The following ADGRG1 variants were observed in gnomAD, a reference collection of about 807,000 sequenced individuals.
ADGRG1 encodes 7-transmembrane protein with no EGF-like N-terminal domains-1.
A neutral mutation model predicts 73.5 loss-of-function variants in ADGRG1; 53 were observed. The observed-to-expected ratio is 0.72, with a 90% CI of 0.58 to 0.91. The LOEUF is 0.91. ADGRG1 is among the 40% of genes least tolerant of loss of function. The pLI is 0.00. For synonymous variants in ADGRG1, 394 were observed against 374.4 expected, an observed-to-expected ratio of 1.05 and a Z score of -0.60; for missense variants, 795 against 871.8, an observed-to-expected ratio of 0.91 and a Z score of 1.11.
At position 57,656,251 on chromosome 16, in the gene ADGRG1, T is replaced by A. The variant is rs1266637859; in HGVS notation, c.1043T>A (p.Phe348Tyr). ...QPKNVTLQCV[F>Y]WVEDPTLSSP... ...AAGAATGTGACTCTGCAATGTGTGT[T>A]CTGGGTTGAAGACCCCACATGTGAG... The change falls in exon 8 of 14, where the codon TTC becomes TAC. Residue 348 changes from phenylalanine (F) to tyrosine (Y), a missense_variant. By Grantham distance (22) the Phe-to-Tyr change is conservative. Coordinates refer to ENST00000562631, the MANE Select transcript of ADGRG1 (RefSeq NM_201525.4). 1 of 1,608,854 alleles carries A rather than the reference T, an allele frequency of 6.2e-7. No homozygotes were observed. Among genetic ancestry groups the A allele is most frequent in the African/African-American group, 1.3e-5 (1 of 74,384 alleles).
At chr16:57,647,416 T>C in intron 1 of ADGRG1, 2 of 985,174 alleles carry the variant, frequency 2.0e-6, no homozygotes, top group South Asian at 9.4e-5. Flanking sequence ...GGGGCTGAGT[T>C]AGGGGCAGGC....
At chr16:57,635,100 G>A (rs901741191) in intron 1 of ADGRG1, 1 of 985,154 alleles carries the variant, frequency 1.0e-6, no homozygotes, top group Admixed American at 6.2e-5. Flanking sequence ...AGGAGGGCAG[G>A]ACACCCACCT....
chr16:57,626,809 T>C, upstream of ADGRG1: 1 of 982,604 alleles, frequency 1.0e-6, no homozygotes, highest in Non-Finnish European at 1.2e-6. Context: ...GATCAGGCCC[T>C]GAAGGACTGA....
chr16:57,645,207 A>C, intron 1 of ADGRG1: 1 of 985,388 alleles, frequency 1.0e-6, no homozygotes, highest in Non-Finnish European at 1.2e-6. Flanking sequence ...TGCGGACGGG[A>C]GGGGAGCTAG....
chr16:57,645,218 G>A lies in ADGRG1; in HGVS notation c.-35-5035G>A, dbSNP rs1290582089. 5.1e-6 allele frequency: 5 copies of A among 985,316 alleles called. No homozygotes were observed. In the African/African-American group the frequency reaches 8.7e-5, roughly 17 times the overall value. The allele number at this position is 985,316 out of a possible 1,614,324, so 61.0% of individuals were successfully genotyped here. ...CAGCTGCGGACGGGAGGGGAGCTAG[G>A]GCAGTGGAAGTTGAGCTGGGGGGGT... On this transcript the variant is annotated intron_variant, in intron 1 of 13. Coordinates refer to ENST00000562631, the MANE Select transcript of ADGRG1 (RefSeq NM_201525.4).
chr16:57,661,178 C>A, intron 12 of ADGRG1: 1 of 556,016 alleles, frequency 1.8e-6, no homozygotes, highest in Non-Finnish European at 2.3e-6. Flanking sequence ...TCCTCAGCAG[C>A]ACCTCTCTGT....
intron 2 of ADGRG1, 134 bp from the exon 3 acceptor site, chr16:57,651,066 A>G (rs2043958867): frequency 1.9e-6 from 3 of 1,581,052 alleles, no homozygotes; most frequent in Non-Finnish European, 2.6e-6. Flanking sequence ...AGACTAACAC[A>G]TTTTTGTAGA....
chr16:57,622,897 A>G, upstream of ADGRG1: 1 of 985,444 alleles, frequency 1.0e-6, no homozygotes, highest in Non-Finnish European at 1.2e-6. Context: ...AAGGAACTGC[A>G]TTCTGCAGTG....
rs111930543 is a variant in ADGRG1 at position 57,633,994 on chromosome 16, C to G, written c.-36+5192C>G. The G allele has an allele frequency of 2.2e-3, 1,658 of 768,200 alleles. 24 individuals are homozygous for G. The African/African-American group carries it at 0.029, about 13-fold the overall frequency. 47.6% of individuals were successfully genotyped at this position (768,200 alleles called of 1,614,324 possible). A position where few individuals can be genotyped will look rare whatever the true frequency, so the allele number is the denominator to read the frequency against. On this transcript the variant is annotated intron_variant, in intron 1 of 13. Coordinates refer to ENST00000562631, the MANE Select transcript of ADGRG1 (RefSeq NM_201525.4). ...TGGAGTGAGTTAATGTGACCCTGGG[C>G]TGGGGAGCTGAGCTGGAGCCATTAC...
intron 1 of ADGRG1, chr16:57,630,804 T>G (rs1162719114): frequency 1.2e-5 from 4 of 322,384 alleles, no homozygotes; most frequent in Non-Finnish European, 1.8e-5. Flanking sequence ...AAGGGACTGA[T>G]GTCTGTATGA....
chr16:57,656,241 C>A lies in ADGRG1; in HGVS notation c.1033C>A (p.Gln345Lys). The A allele has an allele frequency of 6.2e-7, 1 of 1,613,098 alleles. No individual in the cohort carries two copies. The highest frequency in any genetic ancestry group is 1.1e-5 in the South Asian group (1 of 91,062). Residue 345 changes from glutamine (Q) to lysine (K), a missense_variant, in exon 8 of 14, where the codon CAA becomes AAA. By Grantham distance (53) the Gln-to-Lys change is moderately conservative. Coordinates refer to ENST00000562631, the MANE Select transcript of ADGRG1 (RefSeq NM_201525.4). ...HQLQPKNVTL[Q>K]CVFWVEDPTL... The stretch of plus-strand genomic sequence containing the variant: ...GTCCCTACAGAAGAATGTGACTCTG[C>A]AATGTGTGTTCTGGGTTGAAGACCC...
intron 11 of ADGRG1, chr16:57,660,523 GC>G: frequency 1.3e-6 from 1 of 746,764 alleles, no homozygotes; most frequent in Non-Finnish European, 1.6e-6. Context: ...TCTCCCAGGG[GC>G]CCCCAGGGTG....
chr16:57,627,773 T>A (rs1172383719), upstream of ADGRG1: 8 of 984,768 alleles, frequency 8.1e-6, no homozygotes, highest in Non-Finnish European at 9.6e-6. Context: ...GGAGTGTGAG[T>A]TATCCAAAGC....
intron 1 of ADGRG1, chr16:57,630,460 G>A: frequency 1.0e-6 from 1 of 985,734 alleles, no homozygotes; most frequent in African/African-American, 1.7e-5. Flanking sequence ...CGCCTCAGGA[G>A]CTCAGCTGCT....
At chr16:57,648,723 G>A (rs2043277949) in intron 1 of ADGRG1, 1 of 983,952 alleles carries the variant, frequency 1.0e-6, no homozygotes, top group Non-Finnish European at 1.2e-6. Flanking sequence ...TGTCACTGTG[G>A]CCAGCTGCCG....
chr16:57,660,900 G>A (rs764532046), intron 12 of ADGRG1, 24 bp downstream of exon 12: 1 of 1,357,174 alleles, frequency 7.4e-7, no homozygotes, highest in East Asian at 2.3e-5. Flanking sequence ...TGCAATGGGG[G>A]CAAGAAGGTG....
At chr16:57,644,900 A>C (rs1401340249) in intron 1 of ADGRG1, among the ~76,000 whole-genome samples, 1 of 138,856 alleles carries the variant, frequency 7.2e-6, no homozygotes, top group East Asian at 2.5e-4. Context: ...GGGCACACAC[A>C]CTCATCACTT....
rs2148412354 is a variant in ADGRG1, at chr16:57,655,521, C to T, written c.891C>T (p.Ala297=). ...TCCTGGTGGACTTCAGCAGCCAAGCCCTGTTCCAGGTATGGGGTCCTCACC... is the reference window on the plus strand; with the variant it reads ...TCCTGGTGGACTTCAGCAGCCAAGCTCTGTTCCAGGTATGGGGTCCTCACC... The part of the protein sequence containing the change: ...RLLLVDFSSQ[A]LFQDKNSSQV... Residue 297 remains alanine, a synonymous_variant, in exon 6 of 14, where the codon GCC becomes GCT. Transcript: ENST00000562631. 3 of 1,613,854 alleles carry T rather than the reference C, an allele frequency of 1.9e-6. No individual in the cohort carries two copies. Among genetic ancestry groups the T allele is most frequent in the Non-Finnish European group, 2.5e-6 (3 of 1,180,014 alleles).
chr16:57,624,432 T>C (rs962096238), upstream of ADGRG1, among the ~76,000 whole-genome samples: 2 of 152,068 alleles, frequency 1.3e-5, no homozygotes, highest in Non-Finnish European at 2.9e-5. Context: ...GCCCAGGAGA[T>C]TGAGGCTGTA....
Sources: allele counts gnomAD v4.1 joint callset (sites outside exome capture counted in the v4.1 genomes callset), GRCh38; gene constraint gnomAD v4.1.1; transcripts MANE v1.5; gene names NCBI Gene and HGNC (gene_info 2026-07-23, HGNC 2026-07-21).